DNER: variants seen among roughly 807,000 people sequenced by gnomAD.
DNER encodes the protein delta/notch like EGF repeat containing, also known as delta and Notch-like epidermal growth factor-related receptor.
DNER carries 33 observed loss-of-function variants against 78.2 expected under a neutral mutation model. The observed-to-expected ratio is 0.42, with a 90% confidence interval of 0.32 to 0.56. The LOEUF (loss-of-function observed/expected upper bound fraction) is 0.56, where lower values mean the gene tolerates loss of function less well. DNER is among the 20% of genes least tolerant of loss of function. The probability of loss-of-function intolerance (pLI) is 0.11; values close to 1 mark genes in which losing one functional copy is unlikely to be tolerated. For synonymous variants in DNER, 417 were observed against 384.8 expected (o/e 1.08, Z -0.98); for missense variants, 918 against 975.3 (o/e 0.94, Z 0.78).
chr2:229,469,223 G>A (rs1350785466), intron 7 of DNER, among the ~76,000 whole-genome samples: 1 of 152,150 alleles, frequency 6.6e-6, no homozygotes, highest in Non-Finnish European at 1.5e-5. Flanking sequence ...GAGGGACAGC[G>A]GGTGTACATC....
intron 1 of DNER, among the ~76,000 whole-genome samples, chr2:229,684,163 A>AGTGTGT (rs1386422582): frequency 8.4e-5 from 11 of 130,426 alleles, no homozygotes; most frequent in South Asian, 5.5e-4. Context: ...AGAGAGAGAG[A>AGTGTGT]GAGAGAGTGT....
intron 10 of DNER, among the ~76,000 whole-genome samples, chr2:229,398,842 G>T (rs1693205121): frequency 6.6e-6 from 1 of 151,888 alleles, no homozygotes; most frequent in Non-Finnish European, 1.5e-5. Flanking sequence ...AAAATCACAT[G>T]ATCATATCAA....
At chr2:229,708,457 A>C (rs1322222699) in intron 1 of DNER, among the ~76,000 whole-genome samples, 2 of 152,188 alleles carry the variant, frequency 1.3e-5, no homozygotes, top group Non-Finnish European at 2.9e-5. Context: ...GGAAGGGGTA[A>C]ATATAAAGAA....
chr2:229,381,093 G>T (rs1444007754), intron 11 of DNER, among the ~76,000 whole-genome samples: 2 of 152,122 alleles, frequency 1.3e-5, no homozygotes, highest in African/African-American at 4.8e-5. Context: ...CATTGAGACT[G>T]GTTAGACAGT....
At chr2:229,441,011 A>G (rs891148749) in intron 8 of DNER, among the ~76,000 whole-genome samples, 3 of 152,160 alleles carry the variant, frequency 2.0e-5, no homozygotes, top group South Asian at 2.1e-4. Context: ...TATATACCCA[A>G]TAATGCCAAA....
intron 1 of DNER, among the ~76,000 whole-genome samples, chr2:229,640,278 T>C (rs968628557): frequency 5.9e-5 from 9 of 152,250 alleles, no homozygotes; most frequent in Admixed American, 3.9e-4. Context: ...CTGATTTGCA[T>C]GTTTCAGGAT....
chr2:229,580,583 T>C (rs1244067477), intron 4 of DNER, among the ~76,000 whole-genome samples: 3 of 151,762 alleles, frequency 2.0e-5, no homozygotes, highest in Non-Finnish European at 4.4e-5. Flanking sequence ...AAGACCACTA[T>C]AAAGGAACAA....
chr2:229,704,830 G>A (rs12473075), intron 1 of DNER, among the ~76,000 whole-genome samples: 6 of 152,086 alleles, frequency 3.9e-5, no homozygotes, highest in Non-Finnish European at 8.8e-5. Flanking sequence ...AAATGAAAAG[G>A]GTCTGGGAAT....
intron 4 of DNER, 111 bp downstream of exon 4, chr2:229,585,747 A>G: frequency 9.3e-7 from 1 of 1,076,936 alleles, no homozygotes; most frequent in Non-Finnish European, 1.4e-6. Flanking sequence ...AATAGCATTG[A>G]TGGATAGAAT....
At chr2:229,405,833 A>AT (rs1693367299) in intron 10 of DNER, among the ~76,000 whole-genome samples, 1 of 151,992 alleles carries the variant, frequency 6.6e-6, no homozygotes, top group Non-Finnish European at 1.5e-5. Flanking sequence ...ATAGTCCTAT[A>AT]TTTTCTAATT....
At chr2:229,418,808 C>G (rs1362147649) in intron 8 of DNER, among the ~76,000 whole-genome samples, 1 of 152,050 alleles carries the variant, frequency 6.6e-6, no homozygotes, top group African/African-American at 2.4e-5. Flanking sequence ...GTAATCCCAG[C>G]TACTCAGTAG....
chr2:229,453,994 G>A (rs1054604131), intron 7 of DNER, among the ~76,000 whole-genome samples: 18 of 149,894 alleles, frequency 1.2e-4, no homozygotes, highest in Non-Finnish European at 2.5e-4. Context: ...ATGGAAGAGA[G>A]AATGTGAAAA....
intron 5 of DNER, among the ~76,000 whole-genome samples, chr2:229,516,015 G>A (rs1695963751): frequency 6.6e-6 from 1 of 152,150 alleles, no homozygotes; most frequent in African/African-American, 2.4e-5. Context: ...ATTGCAAGCA[G>A]GAACCTTGAA....
At chr2:229,675,561 G>C (rs571256190) in intron 1 of DNER, among the ~76,000 whole-genome samples, 1 of 152,162 alleles carries the variant, frequency 6.6e-6, no homozygotes, top group Non-Finnish European at 1.5e-5. Context: ...AGGCTTTCCT[G>C]GTTTCTCACT....
chr2:229,391,832 C>T (rs544883745), intron 10 of DNER, among the ~76,000 whole-genome samples: 3 of 152,174 alleles, frequency 2.0e-5, no homozygotes, highest in African/African-American at 7.2e-5. Context: ...CATGAGCCAC[C>T]ATGCCCAGCC....
At position 229,447,451 on chromosome 2, in the gene DNER, G is replaced by A. The variant is rs1166864265; in HGVS notation, c.1351C>T (p.His451Tyr). The A allele has an allele frequency of 1.2e-6, 2 of 1,614,168 alleles. No homozygotes were observed. The highest frequency in any genetic ancestry group is 8.5e-7 in the Non-Finnish European group (1 of 1,180,014). Reference protein sequence around the residue: ...NNGTCYVDGVHFTCNCSPGFT... With the variant: ...NNGTCYVDGVYFTCNCSPGFT... Reference sequence around the variant, plus strand: ...CCCGGGCTGCAGTTGCAGGTAAAGTGTACCCCGTCCACATAGCAGGTGCCG... The same window carrying A: ...CCCGGGCTGCAGTTGCAGGTAAAGTATACCCCGTCCACATAGCAGGTGCCG... The change falls in exon 8 of 13, where the codon CAC (histidine) becomes TAC (tyrosine). Residue 451 changes from histidine to tyrosine, a missense_variant. His to Tyr is a moderately conservative substitution (Grantham distance 83). Transcript: ENST00000341772.
At chr2:229,534,253 A>G (rs934301911) in intron 5 of DNER, among the ~76,000 whole-genome samples, 4 of 152,230 alleles carry the variant, frequency 2.6e-5, no homozygotes, top group Non-Finnish European at 4.4e-5. Context: ...ATAGAGACCA[A>G]TAGATTGTAA....
At chr2:229,520,616 CA>C (rs777398153) in intron 5 of DNER, among the ~76,000 whole-genome samples, 35 of 152,184 alleles carry the variant, frequency 2.3e-4, no homozygotes, top group South Asian at 4.2e-4. Context: ...ATAAAACAAA[CA>C]TTTTTTTTTA....
intron 5 of DNER, among the ~76,000 whole-genome samples, chr2:229,529,271 A>T (rs1442308848): frequency 2.6e-5 from 4 of 152,098 alleles, no homozygotes; most frequent in African/African-American, 7.2e-5. Context: ...CGGCTGAAAA[A>T]TCAATGAAAA....
Sources: gnomAD v4.1 joint callset for allele counts (sites outside exome capture counted in the v4.1 genomes callset) on GRCh38, gnomAD v4.1.1 for gene constraint, MANE v1.5 for transcripts, NCBI Gene and HGNC (gene_info 2026-07-23, HGNC 2026-07-21) for gene names.